Variants in CDH18 observed in about 807,000 individuals in gnomAD.
CDH18 encodes the protein cadherin 18.
In CDH18, 31 loss-of-function variants were observed where a neutral mutation model predicts 67.9. The ratio of observed to expected loss-of-function variants is 0.46; its 90% CI spans 0.34 to 0.62. The LOEUF is 0.62. Ranked by LOEUF, CDH18 falls within the 20% of genes least tolerant of loss-of-function variation. The pLI is 0.01. For missense variants in CDH18, 890 were observed against 975.5 expected, an observed-to-expected ratio of 0.91 and a Z score of 1.17; for synonymous variants, 362 against 347.2, an observed-to-expected ratio of 1.04 and a Z score of -0.48.
At chr5:20,251,864 G>A (rs185815130) in intron 2 of CDH18, among the ~76,000 whole-genome samples, 74 of 152,212 alleles carry the variant, frequency 4.9e-4, no homozygotes, top group Non-Finnish European at 7.1e-4. Context: ...TGCAATACCA[G>A]CACTTGTAAT....
chr5:19,697,905 T>C (rs746980071), intron 5 of CDH18, among the ~76,000 whole-genome samples: 1 of 152,140 alleles, frequency 6.6e-6, no homozygotes, highest in Admixed American at 6.6e-5. Flanking sequence ...ATGGGCTTTG[T>C]CTAGGAAGGC....
At chr5:19,788,067 T>C (rs1776000633) in intron 3 of CDH18, among the ~76,000 whole-genome samples, 1 of 152,126 alleles carries the variant, frequency 6.6e-6, no homozygotes, top group Non-Finnish European at 1.5e-5. Context: ...TAACTAATGC[T>C]GATGGGAAAA....
At chr5:20,102,267 C>T (rs1158228991) in intron 2 of CDH18, among the ~76,000 whole-genome samples, 1 of 149,854 alleles carries the variant, frequency 6.7e-6, no homozygotes, top group Non-Finnish European at 1.5e-5. Context: ...CACGATTGAG[C>T]TGGATGTGAG....
chr5:19,609,956 A>G (rs529329785), intron 6 of CDH18, among the ~76,000 whole-genome samples: 90 of 152,232 alleles, frequency 5.9e-4, no homozygotes, highest in Non-Finnish European at 1.1e-3. Flanking sequence ...CACTAGGTAC[A>G]TAGCTGTTTA....
intron 1 of CDH18, among the ~76,000 whole-genome samples, chr5:20,562,310 C>G (rs1225066015): frequency 6.6e-6 from 1 of 151,656 alleles, no homozygotes; most frequent in Non-Finnish European, 1.5e-5. Flanking sequence ...TGGTACTATA[C>G]ACAAAGGAAT....
chr5:19,731,216 G>A (rs1331673969), intron 4 of CDH18, among the ~76,000 whole-genome samples: 1 of 152,116 alleles, frequency 6.6e-6, no homozygotes, highest in Non-Finnish European at 1.5e-5. Context: ...TTGGGAGGCC[G>A]AGACGGGTGG....
At chr5:19,795,336 C>T (rs1203577585) in intron 3 of CDH18, among the ~76,000 whole-genome samples, 1 of 152,062 alleles carries the variant, frequency 6.6e-6, no homozygotes, top group East Asian at 1.9e-4. Context: ...AAGGACTGTC[C>T]AAGGACACCA....
intron 3 of CDH18, among the ~76,000 whole-genome samples, chr5:19,762,244 G>T (rs938703440): frequency 1.4e-4 from 21 of 152,066 alleles, no homozygotes; most frequent in Non-Finnish European, 2.4e-4. Flanking sequence ...AGACAAATGG[G>T]ATCTAATTAA....
intron 1 of CDH18, among the ~76,000 whole-genome samples, chr5:20,460,449 T>G (rs1332789440): frequency 6.6e-6 from 1 of 150,634 alleles, no homozygotes; most frequent in Non-Finnish European, 1.5e-5. Context: ...ATAAAATATG[T>G]TGCGTGACTG....
chr5:19,640,943 GA>G (rs1187230712), intron 5 of CDH18, among the ~76,000 whole-genome samples: 1 of 151,500 alleles, frequency 6.6e-6, no homozygotes, highest in East Asian at 1.9e-4. Context: ...GCTGGAATGA[GA>G]AAAAAAGAAA....
At chr5:20,208,471 G>C (rs1278021994) in intron 2 of CDH18, among the ~76,000 whole-genome samples, 1 of 151,950 alleles carries the variant, frequency 6.6e-6, no homozygotes, top group Non-Finnish European at 1.5e-5. Context: ...ACAATCCGGA[G>C]AGGACAGTGT....
intron 1 of CDH18, among the ~76,000 whole-genome samples, chr5:20,393,030 A>T (rs185095545): frequency 1.3e-5 from 2 of 152,054 alleles, no homozygotes; most frequent in Admixed American, 1.3e-4. Context: ...ATATTCATAC[A>T]ATAAGGACTT....
Position 19,864,450 on chromosome 5 carries a change from G to C in CDH18, c.-256-25208C>G, listed in dbSNP as rs1429977677. The stretch of plus-strand genomic sequence containing the variant: ...GCTACATGAGGAGTTAATGGGTGCA[G>C]CACACCATCATGGCACATGTATACA... On this transcript the variant is annotated intron_variant, in intron 2 of 12. Coordinates refer to ENST00000382275, the MANE Select transcript of CDH18 (RefSeq NM_004934.5). Among the ~76,000 whole-genome samples, 3 of 151,610 alleles carry C rather than the reference G, an allele frequency of 2.0e-5. No individual in the cohort carries two copies. In the South Asian group the frequency reaches 6.3e-4, roughly 32 times the overall value.
At chr5:20,177,441 G>A (rs1737322792) in intron 2 of CDH18, among the ~76,000 whole-genome samples, 1 of 152,034 alleles carries the variant, frequency 6.6e-6, no homozygotes, top group Admixed American at 6.6e-5. Context: ...GAAAATATGA[G>A]TATATAACAT....
chr5:20,451,726 C>T (rs942111852), intron 1 of CDH18, among the ~76,000 whole-genome samples: 15 of 152,056 alleles, frequency 9.9e-5, no homozygotes, highest in Non-Finnish European at 1.9e-4. Flanking sequence ...TTGGTAAGTT[C>T]ATAAACACTT....
intron 2 of CDH18, among the ~76,000 whole-genome samples, chr5:20,210,461 A>G (rs1304835843): frequency 6.6e-6 from 1 of 151,878 alleles, no homozygotes; most frequent in African/African-American, 2.4e-5. Context: ...CAAGAATTTT[A>G]TTTGTTGTAA....
At chr5:19,556,791 T>C (rs573488663) in intron 8 of CDH18, among the ~76,000 whole-genome samples, 2 of 151,940 alleles carry the variant, frequency 1.3e-5, no homozygotes, top group Non-Finnish European at 2.9e-5. Context: ...GGGAAATTAA[T>C]CACAAAAAGA....
In CDH18 at chr5:20,572,126, T is replaced by C. The variant is rs147410472; in HGVS notation, c.-580+3336A>G. 2.7e-3 allele frequency among the ~76,000 whole-genome samples: 415 copies of C among 152,250 alleles called. 2 individuals are homozygous for C. Among genetic ancestry groups the C allele is most frequent in the African/African-American group, 9.5e-3 (393 of 41,550 alleles). On this transcript the variant is annotated intron_variant, in intron 1 of 14. Transcript: ENST00000507958. ...ATGATAACTTTATATAATGTCAGCATACAATATTTTCTGGAATTTAAAAAT... is the reference window on the plus strand; with the variant it reads ...ATGATAACTTTATATAATGTCAGCACACAATATTTTCTGGAATTTAAAAAT...
intron 2 of CDH18, among the ~76,000 whole-genome samples, chr5:19,877,054 T>C (rs553598002): frequency 6.6e-6 from 1 of 152,082 alleles, no homozygotes; most frequent in Admixed American, 6.5e-5. Context: ...AATCCCCCAA[T>C]GACTATGAAA....
Sources: gnomAD v4.1 joint callset for allele counts (sites outside exome capture counted in the v4.1 genomes callset) on GRCh38, gnomAD v4.1.1 for gene constraint, MANE v1.5 for transcripts, NCBI Gene and HGNC (gene_info 2026-07-23, HGNC 2026-07-21) for gene names.